CTIF: variants seen among roughly 807,000 people sequenced by gnomAD.
CTIF encodes the protein CBP80/20-dependent translation initiation factor.
A neutral mutation model predicts 66.0 loss-of-function variants in CTIF; 21 were observed. That is an observed-to-expected ratio of 0.32 (90% CI 0.23 to 0.46). The LOEUF (loss-of-function observed/expected upper bound fraction) is 0.46. Among genes scored for constraint, CTIF ranks in the 20% least tolerant of loss-of-function variants. The probability of loss-of-function intolerance (pLI) is 1.00; values close to 1 mark genes in which losing one functional copy is unlikely to be tolerated. For missense variants in CTIF, 739 were observed against 812.7 expected (o/e 0.91, Z 1.10); for synonymous variants, 345 against 326.4 (o/e 1.06, Z -0.62).
At chr18:48,672,413 G>A (rs919958978) in intron 6 of CTIF, among the ~76,000 whole-genome samples, 5 of 152,176 alleles carry the variant, frequency 3.3e-5, no homozygotes, top group African/African-American at 9.7e-5. Flanking sequence ...CTGAATGGCC[G>A]TCACTGGAGA....
At chr18:48,582,670 G>A (rs1296232022) in intron 1 of CTIF, among the ~76,000 whole-genome samples, 1 of 152,126 alleles carries the variant, frequency 6.6e-6, no homozygotes, top group Non-Finnish European at 1.5e-5. Flanking sequence ...GTGGTGGTGG[G>A]AGTGCTTGCG....
chr18:48,803,199 G>C (rs2068080473), intron 9 of CTIF, among the ~76,000 whole-genome samples: 1 of 152,224 alleles, frequency 6.6e-6, no homozygotes, highest in Non-Finnish European at 1.5e-5. Context: ...AATGTCTCCA[G>C]AGTGATCCAG....
At chr18:48,704,596 C>G (rs62105203) in intron 6 of CTIF, among the ~76,000 whole-genome samples, 1 of 152,180 alleles carries the variant, frequency 6.6e-6, no homozygotes, top group Non-Finnish European at 1.5e-5. Context: ...CCCTAAGATG[C>G]TAGGGAAGGA....
At chr18:48,541,724 G>A (rs2088624909) in intron 1 of CTIF, among the ~76,000 whole-genome samples, 1 of 152,166 alleles carries the variant, frequency 6.6e-6, no homozygotes, top group East Asian at 1.9e-4. Flanking sequence ...GATGCTCAGA[G>A]GCAGCAATTT....
chr18:48,546,238 T>A (rs990592703), intron 1 of CTIF, among the ~76,000 whole-genome samples: 10 of 152,168 alleles, frequency 6.6e-5, no homozygotes, highest in African/African-American at 2.2e-4. Flanking sequence ...ATAGAGCTGA[T>A]GTGTTTTAGG....
At chr18:48,658,207 T>C (rs1020988588) in intron 3 of CTIF, among the ~76,000 whole-genome samples, 1 of 151,918 alleles carries the variant, frequency 6.6e-6, no homozygotes, top group Non-Finnish European at 1.5e-5. Flanking sequence ...ATGGTGTGTA[T>C]GTGGGTGTGG....
At chr18:48,656,805 G>A (rs565842494) in intron 3 of CTIF, among the ~76,000 whole-genome samples, 3 of 152,150 alleles carry the variant, frequency 2.0e-5, no homozygotes, top group African/African-American at 7.2e-5. Context: ...TCAGCAACCG[G>A]GGGGGCAGGG....
At chr18:48,609,703 A>G (rs1324823862) in intron 1 of CTIF, among the ~76,000 whole-genome samples, 1 of 152,166 alleles carries the variant, frequency 6.6e-6, no homozygotes, top group Non-Finnish European at 1.5e-5. Flanking sequence ...CCAGCCAGGG[A>G]TATGGCTGTC....
At chr18:48,843,595 G>C (rs1452810005) in intron 10 of CTIF, among the ~76,000 whole-genome samples, 2 of 152,170 alleles carry the variant, frequency 1.3e-5, no homozygotes, top group Non-Finnish European at 2.9e-5. Flanking sequence ...GAATAGGCCA[G>C]AGGGCTGTGG....
At chr18:48,792,102 A>G (rs1375715620) in intron 9 of CTIF, among the ~76,000 whole-genome samples, 1 of 152,230 alleles carries the variant, frequency 6.6e-6, no homozygotes, top group Non-Finnish European at 1.5e-5. Context: ...AAGGCTGTGG[A>G]GAAGGAAGCA....
chr18:48,716,010 C>T (rs549517271), intron 7 of CTIF, among the ~76,000 whole-genome samples: 22 of 152,264 alleles, frequency 1.4e-4, no homozygotes, highest in African/African-American at 5.3e-4. Flanking sequence ...GGCGGGGCTG[C>T]GCTCTTTGCC....
intron 10 of CTIF, among the ~76,000 whole-genome samples, chr18:48,827,755 C>T (rs767666981): frequency 2.0e-4 from 31 of 152,134 alleles, no homozygotes; most frequent in Non-Finnish European, 4.4e-4. Context: ...GCTATGAATA[C>T]CCCAGCTTAA....
intron 5 of CTIF, among the ~76,000 whole-genome samples, chr18:48,666,226 G>A (rs1434521685): frequency 6.6e-6 from 1 of 151,642 alleles, no homozygotes; most frequent in African/African-American, 2.4e-5. Flanking sequence ...TTCACTTCAG[G>A]TCTAAGTATT....
At chr18:48,775,562 GC>G (rs1357222958) in intron 9 of CTIF, among the ~76,000 whole-genome samples, 1 of 152,242 alleles carries the variant, frequency 6.6e-6, no homozygotes, top group East Asian at 1.9e-4. Context: ...TGGCCTGGAG[GC>G]CCCACAGGGT....
rs778191426 is a variant in CTIF at position 48,817,358 on chromosome 18, C to G, written c.1509C>G (p.Ile503Met). ...GEPFRVLVCPIYTCLRELLQS... is the reference protein window; with the variant it reads ...GEPFRVLVCPMYTCLRELLQS... ...CCTTCCGTGTGCTCGTGTGCCCCAT[C>G]TACACCTGCCTCAGGGAGGTAAGAG... The change falls in exon 10 of 12, where the codon ATC becomes ATG. Residue 503 changes from isoleucine to methionine, a missense_variant. This residue lies in a region of CTIF where 210 missense variants were observed against 292.3 expected (regional missense o/e 0.72). Transcript: ENST00000256413. 2.5e-6 allele frequency: 4 copies of G among 1,612,488 alleles called. No individual in the cohort carries two copies. The highest frequency in any genetic ancestry group is 3.4e-6 in the Non-Finnish European group (4 of 1,179,450).
At chr18:48,589,108 C>T (rs2089835428) in intron 1 of CTIF, among the ~76,000 whole-genome samples, 1 of 152,198 alleles carries the variant, frequency 6.6e-6, no homozygotes, top group African/African-American at 2.4e-5. Flanking sequence ...AGGTTTGTGG[C>T]AGGGACTCTC....
At chr18:48,772,532 T>TACAGCAATAACTCCCCTACATCAACAACC (rs1335349127) in intron 9 of CTIF, among the ~76,000 whole-genome samples, 1 of 151,896 alleles carries the variant, frequency 6.6e-6, no homozygotes, top group Non-Finnish European at 1.5e-5. Context: ...ATGCCTCCCC[T>TACAGCAATAACTCCCCTACATCAACAACC]CCATCTTCCA....
At chr18:48,798,598 G>A (rs2067981668) in intron 9 of CTIF, among the ~76,000 whole-genome samples, 2 of 152,224 alleles carry the variant, frequency 1.3e-5, no homozygotes, top group African/African-American at 2.4e-5. Flanking sequence ...GCAGCCTGCA[G>A]CTTTCTAAAG....
At chr18:48,714,446 T>C (rs1015837625) in intron 7 of CTIF, among the ~76,000 whole-genome samples, 1 of 152,156 alleles carries the variant, frequency 6.6e-6, no homozygotes, top group African/African-American at 2.4e-5. Flanking sequence ...CTCCTTGGAA[T>C]GGAGAGGAGT....
Sources: allele counts gnomAD v4.1 joint callset (sites outside exome capture counted in the v4.1 genomes callset), GRCh38; gene constraint gnomAD v4.1.1; regional missense constraint gnomAD v4.1.1; transcripts MANE v1.5; gene names NCBI Gene and HGNC (gene_info 2026-07-23, HGNC 2026-07-21).